CNKSR1: variants seen among roughly 807,000 people sequenced by gnomAD.
The protein encoded by CNKSR1 is connector enhancer of kinase suppressor of Ras 1.
A neutral mutation model predicts 95.6 loss-of-function variants in CNKSR1; 88 were observed. That is an observed-to-expected ratio of 0.92 (90% CI 0.78 to 1.10). CNKSR1 has a LOEUF of 1.10. Ranked by LOEUF, CNKSR1 falls within the 50% of genes least tolerant of loss-of-function variation. The pLI, the probability that CNKSR1 is intolerant of heterozygous loss-of-function variation, is 0.00. For synonymous variants in CNKSR1, 355 were observed against 369.7 expected, an observed-to-expected ratio of 0.96 and a Z score of 0.46; for missense variants, 836 against 912.0, an observed-to-expected ratio of 0.92 and a Z score of 1.07.
intron 1 of CNKSR1, among the ~76,000 whole-genome samples, chr1:26,179,901 T>A (rs2088617623): frequency 6.6e-6 from 1 of 152,146 alleles, no homozygotes; most frequent in African/African-American, 2.4e-5. Flanking sequence ...TTTCAGAGAC[T>A]GAGGCAGTCA....
Position 26,184,471 on chromosome 1 carries a change from A to G in CNKSR1, c.1071A>G (p.Val357=), listed in dbSNP as rs558527518. 5.4e-5 allele frequency: 87 copies of G among 1,613,256 alleles called. No individual in the cohort carries two copies. In the East Asian group the frequency reaches 1.1e-3, roughly 20 times the overall value. Reference sequence around the variant, plus strand: ...CCCCAGCCATACTCCCAGCAGGGGTAGCAGGGACTCCAGGGCTCCCTGAAT... The same window carrying G: ...CCCCAGCCATACTCCCAGCAGGGGTGGCAGGGACTCCAGGGCTCCCTGAAT... ...PEPPAILPAG[V]AGTPGLPESP... The change falls in exon 12 of 21, where the codon GTA becomes GTG. Residue 357 remains valine, a synonymous_variant. Coordinates refer to ENST00000361530, the MANE Select transcript of CNKSR1 (RefSeq NM_006314.3).
At position 26,188,911 on chromosome 1, in the gene CNKSR1, T is replaced by C. The variant is rs2088811598; in HGVS notation, c.1830T>C (p.Asn610=). Reference sequence around the variant, plus strand: ...GGCGCAACCGAGACCCTCAGCTCAATGAGCGAGTGCACCGTGTGCGGGCGC... The same window carrying C: ...GGCGCAACCGAGACCCTCAGCTCAACGAGCGAGTGCACCGTGTGCGGGCGC... ...FMRRNRDPQL[N]ERVHRVRALQ... The change falls in exon 20 of 21, where the codon AAT becomes AAC. Residue 610 remains asparagine (N), a synonymous_variant. Transcript: ENST00000361530. 1.2e-6 allele frequency: 2 copies of C among 1,613,186 alleles called. No individual in the cohort carries two copies. Among genetic ancestry groups the C allele is most frequent in the Admixed American group, 1.7e-5 (1 of 59,958 alleles).
In CNKSR1 at chr1:26,189,583, C is replaced by A; in HGVS notation, c.*35C>A. 1 of 1,050,750 alleles carries A rather than the reference C, an allele frequency of 9.5e-7. No homozygotes were observed. The highest frequency in any genetic ancestry group is 1.5e-6 in the Non-Finnish European group (1 of 665,438). 65.1% of individuals were successfully genotyped at this position (1,050,750 alleles called of 1,614,324 possible). A position where few individuals can be genotyped will look rare whatever the true frequency, so the allele number is the denominator to read the frequency against. ...GCACTCTAGCTCCTGACCTTTGACC[C>A]GAGGGCCACCTCAACCCCAGCTTCT... On this transcript the variant is annotated 3_prime_UTR_variant, in exon 21 of 21. Transcript: ENST00000361530.
Position 26,182,512 on chromosome 1 carries a change from C to G in CNKSR1, c.552C>G (p.Ile184Met), listed in dbSNP as rs1483283505. 3 of 1,614,016 alleles carry G rather than the reference C, an allele frequency of 1.9e-6. No homozygotes were observed. Among genetic ancestry groups the G allele is most frequent in the Non-Finnish European group, 2.5e-6 (3 of 1,179,994 alleles). ...ACGTGGCTGGGATCTGCCACAACAT[C>G]CTGGTCTGCTGCCCCAAGGAGCTGC... ...CSHVAGICHN[I>M]LVCCPKELLE... The change falls in exon 6 of 21, where the codon ATC becomes ATG. Residue 184 changes from isoleucine to methionine, a missense_variant. Physicochemically the swap from Ile to Met is conservative, Grantham distance 10. Transcript: ENST00000361530.
chr1:26,183,693 C>A (rs1245776163), intron 8 of CNKSR1, 36 bp from the exon 9 acceptor site: 2 of 1,464,398 alleles, frequency 1.4e-6, no homozygotes, highest in South Asian at 2.3e-5. Context: ...GAGCCTCCTG[C>A]CCAGGTTGAT....
chr1:26,184,719 G>A, intron 13 of CNKSR1, 107 bp downstream of exon 13: 2 of 1,319,130 alleles, frequency 1.5e-6, no homozygotes, highest in Non-Finnish European at 1.1e-6. Context: ...AGCCTCTCCT[G>A]GAAACAGCTC....
rs539127719 is a variant in CNKSR1, at chr1:26,188,824, C to T, written c.1743C>T (p.Gly581=). The change falls in exon 20 of 21, where the codon GGC becomes GGT. Residue 581 remains glycine, a synonymous_variant. Coordinates refer to ENST00000361530, the MANE Select transcript of CNKSR1 (RefSeq NM_006314.3). ...TGGTACGGGGGCTGAGGCAGGGTGGCGTGTCCCTCCTAGGCCAGCCACAGC... is the reference window on the plus strand; with the variant it reads ...TGGTACGGGGGCTGAGGCAGGGTGGTGTGTCCCTCCTAGGCCAGCCACAGC... ...EGMVRGLRQG[G]VSLLGQPQPL... is the part of the protein sequence containing the mutation. The T allele has an allele frequency of 9.1e-5, 146 of 1,611,620 alleles. No individual in the cohort carries two copies. The East Asian group carries it at 1.3e-3, about 15-fold the overall frequency.
chr1:26,181,278 C>G (rs1167589416), intron 3 of CNKSR1, among the ~76,000 whole-genome samples: 1 of 110,702 alleles, frequency 9.0e-6, no homozygotes, highest in African/African-American at 3.9e-5. Context: ...GAGACTCCCT[C>G]TCAAAAAAAA....
intron 1 of CNKSR1, among the ~76,000 whole-genome samples, chr1:26,179,860 G>A (rs375101231): frequency 4.6e-5 from 7 of 152,274 alleles, no homozygotes; most frequent in African/African-American, 1.4e-4. Context: ...TGCTGGCTGG[G>A]CGTCGTGGCT....
At chr1:26,187,920 A>G (rs977266768) in intron 16 of CNKSR1, among the ~76,000 whole-genome samples, 1 of 150,960 alleles carries the variant, frequency 6.6e-6, no homozygotes, top group Non-Finnish European at 1.5e-5. Context: ...TGCACCCGGC[A>G]TCTCTCTTTT....
Position 26,186,841 on chromosome 1 carries a change from G to A in CNKSR1, c.1309-327G>A, listed in dbSNP as rs184346749. The A allele has an allele frequency of 4.2e-5, 14 of 333,020 alleles. No individual in the cohort carries two copies. The East Asian group carries it at 8.6e-4, about 20-fold the overall frequency. 20.6% of individuals were successfully genotyped at this position (333,020 alleles called of 1,614,324 possible). On this transcript the variant is annotated intron_variant, in intron 14 of 20. Transcript: ENST00000361530. ...TGGTCTCAAACTCCTAGGCTCAAAT[G>A]GTCCTCCTGCCTTGGCCTCCCAAAG...
chr1:26,177,519 G>A lies in CNKSR1; in HGVS notation c.-29G>A, dbSNP rs1223757189. ...TTCCGGCGACAGCAGGGCAAAACAG[G>A]AGCTGATTCGAGCTGGCAGAGCTGG... On this transcript the variant is annotated 5_prime_UTR_variant, in exon 1 of 21. Coordinates refer to ENST00000361530, the MANE Select transcript of CNKSR1 (RefSeq NM_006314.3). 1.2e-6 allele frequency: 2 copies of A among 1,613,612 alleles called. No homozygotes were observed. Among genetic ancestry groups the A allele is most frequent in the African/African-American group, 2.7e-5 (2 of 74,926 alleles).
At chr1:26,178,847 G>A (rs1169494134) in intron 1 of CNKSR1, among the ~76,000 whole-genome samples, 3 of 152,194 alleles carry the variant, frequency 2.0e-5, no homozygotes, top group African/African-American at 4.8e-5. Flanking sequence ...CAGGAAGGAG[G>A]TGGCTCAGGG....
chr1:26,181,243 T>G (rs931631747), intron 3 of CNKSR1, among the ~76,000 whole-genome samples: 4 of 141,636 alleles, frequency 2.8e-5, no homozygotes, highest in Non-Finnish European at 6.0e-5. Context: ...ATCATGCCAC[T>G]GTACTCCAGC....
At chr1:26,189,024 C>G in intron 20 of CNKSR1, 71 bp downstream of exon 20, 1 of 1,512,278 alleles carries the variant, frequency 6.6e-7, no homozygotes, top group Non-Finnish European at 8.9e-7. Context: ...GCGGCTGTCA[C>G]CTCCACCCTG....
chr1:26,186,914 CTTTTT>C, intron 14 of CNKSR1: 2 of 396,946 alleles, frequency 5.0e-6, no homozygotes, highest in South Asian at 2.7e-5. Context: ...TCAGGCTCCT[CTTTTT>C]TTTTTTTTTG....
chr1:26,189,052 TCCAGAC>T (rs1160366954), intron 20 of CNKSR1, 99 bp downstream of exon 20: 20 of 1,391,776 alleles, frequency 1.4e-5, no homozygotes, highest in South Asian at 3.6e-5. Flanking sequence ...GACTCCAGAC[TCCAGAC>T]TCAGCTCCGG....
chr1:26,184,345 C>G, intron 11 of CNKSR1, 56 bp from the exon 12 acceptor site: 3 of 1,605,286 alleles, frequency 1.9e-6, no homozygotes, highest in Non-Finnish European at 2.6e-6. Flanking sequence ...CAGTTCTGAC[C>G]CCAAGCCTGG....
chr1:26,181,569 C>A, intron 3 of CNKSR1: 1 of 375,190 alleles, frequency 2.7e-6, no homozygotes. Flanking sequence ...ACTCATTATC[C>A]AATGTTTCAT....
Sources: gnomAD v4.1 joint callset for allele counts (sites outside exome capture counted in the v4.1 genomes callset) on GRCh38, gnomAD v4.1.1 for gene constraint, MANE v1.5 for transcripts, NCBI Gene and HGNC (gene_info 2026-07-23, HGNC 2026-07-21) for gene names.